Variants in AFF2 observed in about 807,000 individuals in gnomAD.
AFF2 encodes ALF transcription elongation factor 2, also known as AF4/FMR2 family member 2.
Under a neutral mutation model 76.9 loss-of-function variants are expected in AFF2, and 14 were observed. That is an observed-to-expected ratio of 0.18 (90% CI 0.12 to 0.28). AFF2 has a LOEUF of 0.28. AFF2 is among the 10% of genes least tolerant of loss of function. The pLI is 1.00. For synonymous variants in AFF2, 398 were observed against 366.7 expected, an observed-to-expected ratio of 1.09 and a Z score of -0.98; for missense variants, 868 against 1,001.1, an observed-to-expected ratio of 0.87 and a Z score of 1.79.
intron 3 of AFF2, among the ~76,000 whole-genome samples, chrX:148,735,134 A>G (rs1053941084): frequency 8.9e-6 from 1 of 112,308 alleles, no homozygotes; most frequent in Admixed American, 9.5e-5. Context: ...CAGGCTTTAA[A>G]GCAAGAGATG....
intron 1 of AFF2, among the ~76,000 whole-genome samples, chrX:148,634,783 AGTGG>A (rs2054013837): frequency 8.9e-6 from 1 of 112,154 alleles, no homozygotes; most frequent in Non-Finnish European, 1.9e-5. Context: ...GCAGAGCTGA[AGTGG>A]CTCAACTCAG....
intron 3 of AFF2, chrX:148,719,034 G>A: frequency 9.7e-7 from 1 of 1,031,100 alleles, no homozygotes; most frequent in African/African-American, 1.9e-5. Context: ...TTGTGACCTA[G>A]AATAAAGAAC....
At chrX:148,852,752 G>A (rs1225537370) in intron 7 of AFF2, among the ~76,000 whole-genome samples, 4 of 111,301 alleles carry the variant, frequency 3.6e-5, no homozygotes, top group African/African-American at 9.8e-5. Flanking sequence ...TATCTCCATC[G>A]CCATCGTCAC....
At chrX:148,540,875 G>T (rs782312474) in intron 1 of AFF2, among the ~76,000 whole-genome samples, 1 of 112,039 alleles carries the variant, frequency 8.9e-6, no homozygotes, top group East Asian at 2.8e-4. Flanking sequence ...GGTGTCTTTC[G>T]TTAGTAAAAA....
chrX:148,776,826 G>C (rs1204564518), intron 3 of AFF2, among the ~76,000 whole-genome samples: 1 of 111,713 alleles, frequency 9.0e-6, no homozygotes, highest in Non-Finnish European at 1.9e-5. Flanking sequence ...TCTGATGATA[G>C]TTTCTTGTGC....
In AFF2 at chrX:148,609,231, T is replaced by C. The variant is rs190552985; in HGVS notation, c.48-42768T>C. 1.2e-4 allele frequency among the ~76,000 whole-genome samples: 13 copies of C among 112,019 alleles called. No homozygotes were observed. The Admixed American group carries it at 1.2e-3, about 11-fold the overall frequency. ...TTTATAAAGCAAATGTTCCATGACA[T>C]TGAAACATTAAATGTATTATACTCA... On this transcript the variant is annotated intron_variant, in intron 1 of 20. Coordinates refer to ENST00000370460, the MANE Select transcript of AFF2 (RefSeq NM_002025.4).
intron 3 of AFF2, among the ~76,000 whole-genome samples, chrX:148,685,631 A>G (rs1280494081): frequency 1.8e-5 from 2 of 111,609 alleles, no homozygotes; most frequent in Non-Finnish European, 3.8e-5. Context: ...AACAACAATG[A>G]TTCTGGTGAA....
intron 1 of AFF2, among the ~76,000 whole-genome samples, chrX:148,550,584 T>G: frequency 8.9e-6 from 1 of 111,753 alleles, no homozygotes. Flanking sequence ...CAAGCTATGA[T>G]TTTTTGACCT....
intron 3 of AFF2, among the ~76,000 whole-genome samples, chrX:148,669,581 C>T (rs2054398929): frequency 9.0e-6 from 1 of 110,992 alleles, no homozygotes; most frequent in African/African-American, 3.3e-5. Context: ...GGAAACTCCC[C>T]CTTATAATAA....
At chrX:148,879,777 G>GAAAAAA (rs143500934) in intron 7 of AFF2, among the ~76,000 whole-genome samples, 2 of 102,961 alleles carry the variant, frequency 1.9e-5, no homozygotes, top group African/African-American at 3.5e-5. Flanking sequence ...ATTTAAAAAT[G>GAAAAAA]AAAAAAAAAA....
chrX:148,662,718 G>A lies in AFF2; in HGVS notation c.991G>A (p.Ala331Thr), dbSNP rs2054320720. ...ACTCTTGGATGGAAAACCCAGTGCAGCCAGTTCAAAGACTAAACTGCCAAA... is the reference window on the plus strand; with the variant it reads ...ACTCTTGGATGGAAAACCCAGTGCAACCAGTTCAAAGACTAAACTGCCAAA... ...GTLLDGKPSA[A>T]SSKTKLPKFT... Residue 331 changes from alanine (A) to threonine (T), a missense_variant, in exon 3 of 21, where the codon GCC (alanine) becomes ACC (threonine). Around this residue, in one of 6 missense-constraint regions of AFF2, gnomAD observed 532 missense variants for 564.2 expected, o/e 0.94. Coordinates refer to ENST00000370460, the MANE Select transcript of AFF2 (RefSeq NM_002025.4). The A allele has an allele frequency of 8.3e-7, 1 of 1,210,415 alleles. No individual in the cohort carries two copies. The highest frequency in any genetic ancestry group is 1.7e-5 in the African/African-American group (1 of 57,349).
At chrX:148,877,620 A>G (rs1268344819) in intron 7 of AFF2, among the ~76,000 whole-genome samples, 1 of 112,665 alleles carries the variant, frequency 8.9e-6, no homozygotes, top group African/African-American at 3.2e-5. Flanking sequence ...TCCTGTGTCA[A>G]TTCAGGTAGA....
intron 3 of AFF2, among the ~76,000 whole-genome samples, chrX:148,783,870 G>C (rs782416519): frequency 1.8e-3 from 204 of 111,632 alleles, no homozygotes; most frequent in Middle Eastern, 0.014. Context: ...GAGAGTACAG[G>C]TGAACCAAGC....
intron 9 of AFF2, among the ~76,000 whole-genome samples, chrX:148,929,262 A>C (rs1023354070): frequency 8.9e-6 from 1 of 112,477 alleles, no homozygotes; most frequent in African/African-American, 3.2e-5. Context: ...CCAGATCTTT[A>C]TTTCCATCTG....
At chrX:148,854,393 T>A in intron 7 of AFF2, among the ~76,000 whole-genome samples, 1 of 111,240 alleles carries the variant, frequency 9.0e-6, no homozygotes, top group East Asian at 2.8e-4. Flanking sequence ...TCAGCTCAAT[T>A]TATGCTATTC....
intron 7 of AFF2, among the ~76,000 whole-genome samples, chrX:148,848,359 G>A (rs2070692900): frequency 9.0e-6 from 1 of 111,696 alleles, no homozygotes; most frequent in African/African-American, 3.3e-5. Context: ...AACCAATACA[G>A]GAATTACATT....
chrX:148,605,323 T>A (rs782117919), intron 1 of AFF2, among the ~76,000 whole-genome samples: 11 of 112,016 alleles, frequency 9.8e-5, no homozygotes, highest in African/African-American at 3.6e-4. Flanking sequence ...GAGTTACAAA[T>A]AAGCAAAGGG....
chrX:148,980,239 G>T (rs782547916), intron 18 of AFF2, among the ~76,000 whole-genome samples: 9 of 111,852 alleles, frequency 8.0e-5, no homozygotes, highest in Non-Finnish European at 1.3e-4. Flanking sequence ...AGCCATGAGG[G>T]TTTGCATGTA....
At chrX:148,939,333 C>A (rs2071807732) in intron 9 of AFF2, among the ~76,000 whole-genome samples, 1 of 111,711 alleles carries the variant, frequency 9.0e-6, no homozygotes, top group African/African-American at 3.3e-5. Context: ...TTGACATTTT[C>A]TTTGGATATT....
Sources: gnomAD v4.1 joint callset for allele counts (sites outside exome capture counted in the v4.1 genomes callset) on GRCh38, gnomAD v4.1.1 for gene constraint, gnomAD v4.1.1 regional missense constraint, MANE v1.5 for transcripts, NCBI Gene and HGNC (gene_info 2026-07-23, HGNC 2026-07-21) for gene names.